The following PCM1 variants were observed in gnomAD, a reference collection of about 807,000 sequenced individuals.
PCM1 encodes pericentriolar material 1 protein.
A neutral mutation model predicts 241.9 loss-of-function variants in PCM1; 157 were observed. The observed-to-expected ratio is 0.65, with a 90% CI of 0.57 to 0.74. The LOEUF is 0.74. Ranked by LOEUF, PCM1 falls within the 30% of genes least tolerant of loss-of-function variation. The pLI is 0.00. For synonymous variants in PCM1, 1,085 were observed against 784.9 expected, an observed-to-expected ratio of 1.38 and a Z score of -6.39; for missense variants, 3,478 against 2,360.1, an observed-to-expected ratio of 1.47 and a Z score of -9.81.
intron 8 of PCM1, among the ~76,000 whole-genome samples, chr8:17,951,119 C>A (rs986859079): frequency 6.6e-6 from 1 of 152,122 alleles, no homozygotes; most frequent in East Asian, 1.9e-4. Context: ...TTCTATACAG[C>A]CTTGGAATTC....
At position 18,019,362 on chromosome 8, in the gene PCM1, A is replaced by G. The variant is rs1373683221; in HGVS notation, c.5841+4522A>G. ...CTTTTTGGCACCAGGGACTGGTTTCATGGAAGACAATTTTTCCATGGACTG... is the reference window on the plus strand; with the variant it reads ...CTTTTTGGCACCAGGGACTGGTTTCGTGGAAGACAATTTTTCCATGGACTG... On this transcript the variant is annotated intron_variant, in intron 36 of 38. Coordinates refer to ENST00000325083, the MANE Select transcript of PCM1 (RefSeq NM_006197.4). Among the ~76,000 whole-genome samples, 3 of 152,346 alleles carry G rather than the reference A, an allele frequency of 2.0e-5. No homozygotes were observed. The East Asian group carries it at 5.8e-4, about 29-fold the overall frequency.
intron 16 of PCM1, 132 bp downstream of exon 16, chr8:17,962,306 G>A: frequency 2.0e-6 from 1 of 509,424 alleles, no homozygotes; most frequent in South Asian, 4.7e-5. Flanking sequence ...TCTGCTTTGT[G>A]CCTTTTTTAG....
intron 6 of PCM1, among the ~76,000 whole-genome samples, chr8:17,943,613 C>T (rs571980369): frequency 6.6e-6 from 1 of 151,848 alleles, no homozygotes; most frequent in East Asian, 1.9e-4. Flanking sequence ...GATTATTATT[C>T]TTTTTTGAAT....
intron 2 of PCM1, among the ~76,000 whole-genome samples, chr8:17,933,992 C>CA (rs2129448289): frequency 6.6e-6 from 1 of 151,724 alleles, no homozygotes; most frequent in African/African-American, 2.4e-5. Context: ...CAGGAAGGGT[C>CA]AATGTATTTG....
In PCM1 at chr8:17,991,574, G is replaced by C; in HGVS notation, c.4564G>C (p.Ala1522Pro). The C allele has an allele frequency of 2.5e-6, 4 of 1,602,138 alleles. No individual in the cohort carries two copies. The highest frequency in any genetic ancestry group is 3.4e-6 in the Non-Finnish European group (4 of 1,173,860). The change falls in exon 28 of 39, where the codon GCC (alanine) becomes CCC (proline). Residue 1522 changes from alanine to proline, a missense_variant. Physicochemically the swap from Ala to Pro is conservative, Grantham distance 27. Transcript: ENST00000325083. ...CGTGATTCACTTAGATCAAGCATTA[G>C]CCAGAATGAGAGAATATGAGCGTAT... ...NTVIHLDQAL[A>P]RMREYERMKT... is the part of the protein sequence containing the mutation.
In PCM1 at chr8:17,938,953, A is replaced by C; in HGVS notation, c.556A>C (p.Asn186His). 1 of 1,613,780 alleles carries C rather than the reference A, an allele frequency of 6.2e-7. No homozygotes were observed. The highest frequency in any genetic ancestry group is 8.5e-7 in the Non-Finnish European group (1 of 1,179,690). The change falls in exon 5 of 39, where the codon AAC becomes CAC. Residue 186 changes from asparagine (N) to histidine (H), a missense_variant. Asn to His is a moderately conservative substitution (Grantham distance 68, BLOSUM62 1). Coordinates refer to ENST00000325083, the MANE Select transcript of PCM1 (RefSeq NM_006197.4). ...ASALSNDLLQNCQVSEEDGRG... is the reference protein window; with the variant it reads ...ASALSNDLLQHCQVSEEDGRG... ...TGCTTTAAGTAATGACCTCTTGCAA[A>C]ACTGTCAGGTGTCTGAAGAAGATGG...
At position 17,960,055 on chromosome 8, in the gene PCM1, AAATTTGGAT is replaced by A; in HGVS notation, c.2083_2091del (p.Asn695_Asp697del). 1 of 1,612,786 alleles carries A rather than the reference AAATTTGGAT, an allele frequency of 6.2e-7. No individual in the cohort carries two copies. Among genetic ancestry groups the A allele is most frequent in the Non-Finnish European group, 8.5e-7 (1 of 1,179,348 alleles). The stretch of plus-strand genomic sequence containing the variant: ...AAGGAGTTATCTCTGCCAGTGCATC[AAATTTGGAT>A]GATTTCTACCCAGCAGAAGAAGACA... On this transcript the variant is annotated inframe_deletion, in exon 14 of 39. Transcript: ENST00000325083.
chr8:17,936,283 G>A (rs574321890), intron 3 of PCM1, among the ~76,000 whole-genome samples: 11 of 152,110 alleles, frequency 7.2e-5, no homozygotes, highest in African/African-American at 2.7e-4. Context: ...AGTGTAACAG[G>A]TTGGCAGGAA....
intron 35 of PCM1, 75 bp downstream of exon 35, chr8:18,014,111 A>G (rs79847677): frequency 0.027 from 20,345 of 767,610 alleles, 58 homozygotes; most frequent in East Asian, 0.1. Flanking sequence ...AAAAAAAAAA[A>G]CACACACAGA....
Position 18,009,968 on chromosome 8 carries a change from T to C in PCM1, c.5160+224T>C, listed in dbSNP as rs567890268. On this transcript the variant is annotated intron_variant, in intron 31 of 38. Coordinates refer to ENST00000325083, the MANE Select transcript of PCM1 (RefSeq NM_006197.4). The stretch of plus-strand genomic sequence containing the variant: ...TGCGGGCAGGAATTGATGTTAAATG[T>C]ACATTGTCAGATAACCAGTTCACAT... Among the ~76,000 whole-genome samples, 313 of 152,352 alleles carry C rather than the reference T, an allele frequency of 2.1e-3. 2 individuals carry two copies. The highest frequency in any genetic ancestry group is 3.6e-3 in the Non-Finnish European group (245 of 68,036).
intron 2 of PCM1, among the ~76,000 whole-genome samples, chr8:17,928,613 C>T (rs62500085): frequency 0.023 from 2,750 of 118,308 alleles, 69 homozygotes; most frequent in East Asian, 0.12. Flanking sequence ...TTAGTATCTC[C>T]CTCTTTTTTT....
intron 23 of PCM1, 49 bp downstream of exon 23, chr8:17,972,736 C>T (rs766732898): frequency 1.7e-6 from 2 of 1,152,324 alleles, no homozygotes; most frequent in Admixed American, 3.0e-5. Context: ...TTTTGGTAAT[C>T]TTACTTTGAC....
At chr8:18,008,989 T>A (rs1335714593) in intron 30 of PCM1, among the ~76,000 whole-genome samples, 1 of 152,196 alleles carries the variant, frequency 6.6e-6, no homozygotes, top group African/African-American at 2.4e-5. Flanking sequence ...TGAATAGAAC[T>A]AATGTTTACT....
At chr8:17,996,184 C>G (rs894926159) in intron 29 of PCM1, among the ~76,000 whole-genome samples, 1 of 152,054 alleles carries the variant, frequency 6.6e-6, no homozygotes, top group African/African-American at 2.4e-5. Context: ...TTGTATATGG[C>G]TTCTAGTATG....
In PCM1 at chr8:17,992,228, A is replaced by G. The variant is rs149946960; in HGVS notation, c.4690+528A>G. Among the ~76,000 whole-genome samples the G allele has an allele frequency of 7.7e-3, 1,170 of 152,292 alleles. 10 individuals are homozygous for G. Among genetic ancestry groups the G allele is most frequent in the African/African-American group, 0.027 (1,124 of 41,568 alleles). On this transcript the variant is annotated intron_variant, in intron 28 of 38. Coordinates refer to ENST00000325083, the MANE Select transcript of PCM1 (RefSeq NM_006197.4). ...ATGCACGTGCAAGTATCTTTTTCAT[A>G]TAATGACTTCTTTTCTTCTGGGCAG...
Position 18,013,963 on chromosome 8 carries a change from G to C in PCM1, c.5512-1G>C. 6.3e-7 allele frequency: 1 copy of C among 1,588,564 alleles called. No individual in the cohort carries two copies. On this transcript the variant is annotated splice_acceptor_variant, in intron 34 of 38. Coordinates refer to ENST00000325083, the MANE Select transcript of PCM1 (RefSeq NM_006197.4). LOFTEE classifies it high-confidence loss of function. ...GCTATTAAAACATTTTTCCCTTCTA[G>C]GTCCTACAACGTGACTTTAAAAAGA... is the stretch of plus-strand genomic sequence containing the variant.
chr8:18,015,263 A>AAC (rs1564402085), intron 36 of PCM1, among the ~76,000 whole-genome samples: 1 of 151,928 alleles, frequency 6.6e-6, no homozygotes, highest in Non-Finnish European at 1.5e-5. Context: ...AAAAAAAAAA[A>AAC]AACTAGGAAA....
At position 17,989,954 on chromosome 8, in the gene PCM1, T is replaced by A. The variant is rs369502006; in HGVS notation, c.4506T>A (p.Phe1502Leu). The A allele has an allele frequency of 6.5e-7, 1 of 1,537,696 alleles. No individual in the cohort carries two copies. Among genetic ancestry groups the A allele is most frequent in the South Asian group, 1.2e-5 (1 of 80,504 alleles). The part of the protein sequence containing the change: ...NASVLSVSSN[F>L]EPFATDDLGN... ...GTGTCCTGTCTGTATCATCAAATTT[T>A]GAGCCTTTTGCAACAGATGATCTAG... The change falls in exon 27 of 39, where the codon TTT becomes TTA. Residue 1502 changes from phenylalanine (F) to leucine (L), a missense_variant. By Grantham distance (22) the Phe-to-Leu change is conservative. Transcript: ENST00000325083.
intron 13 of PCM1, among the ~76,000 whole-genome samples, chr8:17,958,710 A>C (rs1056585834): frequency 6.9e-6 from 1 of 145,340 alleles, no homozygotes; most frequent in Non-Finnish European, 1.5e-5. Flanking sequence ...GGTTCAAAAA[A>C]AGTACGTATT....
Sources: allele counts gnomAD v4.1 joint callset (sites outside exome capture counted in the v4.1 genomes callset), GRCh38; gene constraint gnomAD v4.1.1; transcripts MANE v1.5; gene names NCBI Gene and HGNC (gene_info 2026-07-23, HGNC 2026-07-21).